The following SPATS2L variants were observed in gnomAD, a reference collection of about 807,000 sequenced individuals.
The protein encoded by SPATS2L is SPATS2-like protein.
A neutral mutation model predicts 59.6 loss-of-function variants in SPATS2L; 30 were observed. That is an observed-to-expected ratio of 0.50 (90% CI 0.38 to 0.68). The LOEUF (loss-of-function observed/expected upper bound fraction) is 0.68. Ranked by LOEUF, SPATS2L falls within the 30% of genes least tolerant of loss-of-function variation. The pLI, the probability that SPATS2L is intolerant of heterozygous loss-of-function variation, is 0.00. For synonymous variants in SPATS2L, 252 were observed against 263.5 expected, an observed-to-expected ratio of 0.96 and a Z score of 0.42; for missense variants, 615 against 700.0, an observed-to-expected ratio of 0.88 and a Z score of 1.37.
intron 12 of SPATS2L, among the ~76,000 whole-genome samples, chr2:200,476,614 AC>A (rs2087538684): frequency 6.6e-6 from 1 of 152,194 alleles, no homozygotes; most frequent in African/African-American, 2.4e-5. Context: ...ACTTTTGGCC[AC>A]CGGCAGGATC....
rs376195982 is a variant in SPATS2L at position 200,331,831 on chromosome 2, A to C, written c.-23+2351A>C. On this transcript the variant is annotated intron_variant, in intron 2 of 12. Coordinates refer to ENST00000409140, the MANE Select transcript of SPATS2L (RefSeq NM_001100423.2). ...TATTGGTAAGACAGTGGTCGACCAG[A>C]GGCAGATTTTGCTCGTACCACAGTA... Among the ~76,000 whole-genome samples, 167 of 152,332 alleles carry C rather than the reference A, an allele frequency of 1.1e-3. 1 individual carries two copies. The highest frequency in any genetic ancestry group is 3.8e-3 in the African/African-American group (159 of 41,570).
Position 200,310,519 on chromosome 2 carries a change from C to T in SPATS2L, c.-73+3597C>T, listed in dbSNP as rs115590284. 3.7e-3 allele frequency among the ~76,000 whole-genome samples: 561 copies of T among 152,312 alleles called. 6 individuals are homozygous for T. The highest frequency in any genetic ancestry group is 0.013 in the African/African-American group (528 of 41,560). On this transcript the variant is annotated intron_variant, in intron 1 of 12. Transcript: ENST00000409140. ...GTAATTGAGTTTTCCCCATTCTACG[C>T]ACTTCCACCGTATCAACCTTCCTAA...
At chr2:200,425,550 T>C (rs2083519067) in intron 6 of SPATS2L, among the ~76,000 whole-genome samples, 2 of 152,190 alleles carry the variant, frequency 1.3e-5, no homozygotes, top group Non-Finnish European at 2.9e-5. Flanking sequence ...TTTCCTCATC[T>C]GCAAAATAAA....
chr2:200,431,617 T>G (rs2083936965), intron 6 of SPATS2L, among the ~76,000 whole-genome samples: 1 of 152,236 alleles, frequency 6.6e-6, no homozygotes, highest in Non-Finnish European at 1.5e-5. Flanking sequence ...GTTTAATACA[T>G]TCCTTACAGT....
At chr2:200,332,460 T>G (rs1302051508) in intron 2 of SPATS2L, among the ~76,000 whole-genome samples, 1 of 152,198 alleles carries the variant, frequency 6.6e-6, no homozygotes, top group Non-Finnish European at 1.5e-5. Flanking sequence ...TTACCCAGGC[T>G]GGTCTCAAAC....
At chr2:200,402,863 A>G (rs1050942034) in intron 3 of SPATS2L, among the ~76,000 whole-genome samples, 3 of 152,360 alleles carry the variant, frequency 2.0e-5, no homozygotes, top group South Asian at 2.1e-4. Context: ...GAGGATGTCA[A>G]CTGATTTTTA....
intron 9 of SPATS2L, among the ~76,000 whole-genome samples, chr2:200,465,569 C>CT (rs2086532409): frequency 6.6e-6 from 1 of 152,162 alleles, no homozygotes; most frequent in Non-Finnish European, 1.5e-5. Flanking sequence ...TTCAGAAAGA[C>CT]TATTAGGCAC....
At chr2:200,362,418 C>A (rs1191117523) in intron 2 of SPATS2L, among the ~76,000 whole-genome samples, 2 of 152,258 alleles carry the variant, frequency 1.3e-5, no homozygotes, top group Non-Finnish European at 2.9e-5. Flanking sequence ...GCTGCACAGT[C>A]TTCTGGCAGG....
At chr2:200,459,696 T>C in intron 8 of SPATS2L, 73 bp from the exon 9 acceptor site, 1 of 1,136,070 alleles carries the variant, frequency 8.8e-7, no homozygotes, top group Non-Finnish European at 1.3e-6. Flanking sequence ...ATAATTTTAC[T>C]TTCAGTGCTT....
At chr2:200,406,762 A>G (rs1027996466) in intron 3 of SPATS2L, among the ~76,000 whole-genome samples, 1 of 152,202 alleles carries the variant, frequency 6.6e-6, no homozygotes, top group Non-Finnish European at 1.5e-5. Context: ...GGCAGTGACC[A>G]TATCTGTTTT....
At chr2:200,397,829 T>G (rs2082403627) in intron 3 of SPATS2L, among the ~76,000 whole-genome samples, 1 of 151,538 alleles carries the variant, frequency 6.6e-6, no homozygotes, top group Admixed American at 6.6e-5. Context: ...ATAGGTATAA[T>G]TAGAAAAAAA....
intron 8 of SPATS2L, among the ~76,000 whole-genome samples, chr2:200,459,516 C>CT (rs1274666071): frequency 6.6e-6 from 1 of 152,166 alleles, no homozygotes; most frequent in Non-Finnish European, 1.5e-5. Flanking sequence ...TTCTGAAAGT[C>CT]TAAAAGACTT....
rs1559176143 is a variant in SPATS2L, at chr2:200,481,032, T to C, written c.*3001T>C. On this transcript the variant is annotated 3_prime_UTR_variant, in exon 13 of 13. Coordinates refer to ENST00000409140, the MANE Select transcript of SPATS2L (RefSeq NM_001100423.2). Reference sequence around the variant, plus strand: ...TTCATCCGTGAAATCCACACCTCCCTGTTGGGTTCCCAATTACATTCCAAA... The same window carrying C: ...TTCATCCGTGAAATCCACACCTCCCCGTTGGGTTCCCAATTACATTCCAAA... 1.3e-5 allele frequency: 2 copies of C among 152,216 alleles called. No individual in the cohort carries two copies. Among genetic ancestry groups the C allele is most frequent in the Non-Finnish European group, 2.9e-5 (2 of 68,038 alleles). 9.4% of individuals were successfully genotyped at this position (152,216 alleles called of 1,614,324 possible).
intron 8 of SPATS2L, among the ~76,000 whole-genome samples, chr2:200,445,154 A>T (rs527635338): frequency 1.5e-5 from 2 of 137,376 alleles, no homozygotes; most frequent in South Asian, 4.6e-4. Flanking sequence ...CTACAAAAAG[A>T]AAAAAAAAAT....
intron 3 of SPATS2L, among the ~76,000 whole-genome samples, chr2:200,400,308 T>C (rs890752296): frequency 1.3e-4 from 20 of 152,176 alleles, no homozygotes; most frequent in African/African-American, 4.8e-4. Context: ...AAGGACTCAG[T>C]GTACCCTAAA....
intron 2 of SPATS2L, chr2:200,351,299 C>T (rs1468371393): frequency 1.7e-5 from 8 of 471,128 alleles, no homozygotes; most frequent in African/African-American, 4.0e-5. Flanking sequence ...ATGTAAGTAC[C>T]GGGAATACAG....
At chr2:200,418,907 A>G (rs974388200) in intron 5 of SPATS2L, among the ~76,000 whole-genome samples, 25 of 152,178 alleles carry the variant, frequency 1.6e-4, no homozygotes, top group Non-Finnish European at 3.2e-4. Flanking sequence ...GGATAACTGA[A>G]ATCAAATTTT....
intron 8 of SPATS2L, among the ~76,000 whole-genome samples, chr2:200,455,453 C>G (rs964280983): frequency 9.2e-5 from 14 of 152,176 alleles, no homozygotes; most frequent in Admixed American, 8.5e-4. Flanking sequence ...CCTGGGATGT[C>G]AGGAAGCTTA....
intron 9 of SPATS2L, among the ~76,000 whole-genome samples, chr2:200,466,835 T>C (rs868592178): frequency 1.3e-5 from 2 of 152,208 alleles, no homozygotes; most frequent in East Asian, 3.8e-4. Context: ...TAAGTGAGTA[T>C]GTGTTAAAGT....
Sources: allele counts gnomAD v4.1 joint callset (sites outside exome capture counted in the v4.1 genomes callset), GRCh38; gene constraint gnomAD v4.1.1; transcripts MANE v1.5; gene names NCBI Gene and HGNC (gene_info 2026-07-23, HGNC 2026-07-21).